The following PREX2 variants were observed in gnomAD, a reference collection of about 807,000 sequenced individuals.
PREX2 encodes the protein phosphatidylinositol 3,4,5-trisphosphate-dependent Rac exchanger 2 protein.
A neutral mutation model predicts 203.2 loss-of-function variants in PREX2; 107 were observed. The ratio of observed to expected loss-of-function variants is 0.53; its 90% confidence interval spans 0.45 to 0.62. PREX2 has a LOEUF of 0.62. PREX2 is among the 20% of genes least tolerant of loss of function. PREX2 has a pLI of 0.00. For missense variants in PREX2, 1,777 were observed against 1,955.9 expected, an observed-to-expected ratio of 0.91 and a Z score of 1.72; for synonymous variants, 672 against 663.6, an observed-to-expected ratio of 1.01 and a Z score of -0.19.
At chr8:68,066,094 T>C (rs1563526568) in intron 11 of PREX2, among the ~76,000 whole-genome samples, 2 of 152,166 alleles carry the variant, frequency 1.3e-5, no homozygotes, top group African/African-American at 2.4e-5. Context: ...ATACATTATA[T>C]CATATTTTCT....
chr8:67,971,922 T>C (rs1377328420), intron 1 of PREX2, among the ~76,000 whole-genome samples: 1 of 152,182 alleles, frequency 6.6e-6, no homozygotes, highest in East Asian at 1.9e-4. Flanking sequence ...TTTAAAGTCT[T>C]TGGAGAATTC....
At chr8:68,202,913 T>C (rs1226609296) in intron 37 of PREX2, among the ~76,000 whole-genome samples, 1 of 152,180 alleles carries the variant, frequency 6.6e-6, no homozygotes, top group African/African-American at 2.4e-5. Flanking sequence ...GTGAAACTCC[T>C]GGTCCAACTA....
intron 34 of PREX2, among the ~76,000 whole-genome samples, chr8:68,153,641 T>C (rs1274590263): frequency 6.6e-6 from 1 of 152,210 alleles, no homozygotes; most frequent in Non-Finnish European, 1.5e-5. Context: ...AATGTCATTC[T>C]GGGTTTTTTA....
At chr8:68,028,413 A>G (rs1807792792) in intron 5 of PREX2, among the ~76,000 whole-genome samples, 1 of 152,078 alleles carries the variant, frequency 6.6e-6, no homozygotes, top group Non-Finnish European at 1.5e-5. Context: ...ACTCAGAAAT[A>G]CTAGAGGCAT....
rs769525905 is a variant in PREX2, at chr8:68,118,654, T to G, written c.3421+10T>G. The G allele has an allele frequency of 6.3e-7, 1 of 1,596,442 alleles. No individual in the cohort carries two copies. Among genetic ancestry groups the G allele is most frequent in the Non-Finnish European group, 8.6e-7 (1 of 1,164,092 alleles). On this transcript the variant is annotated intron_variant, in intron 27 of 39. Transcript: ENST00000288368. ...GATGAAATGGACTCAGGTGTGTTCG[T>G]TGGTGAAGGCCTGTGGGCTTTTTGA...
rs1813203534 is a variant in PREX2, at chr8:68,233,285, T to C, written c.*1907T>C. 6.6e-6 allele frequency: 1 copy of C among 152,140 alleles called. No individual in the cohort carries two copies. 9.4% of individuals were successfully genotyped at this position (152,140 alleles called of 1,614,324 possible). On this transcript the variant is annotated 3_prime_UTR_variant, in exon 40 of 40. Transcript: ENST00000288368. ...TCCTTTCATATTGTCATGACTGTTT[T>C]CTCATCACCATCCTGGAAGCAGTAA...
intron 37 of PREX2, among the ~76,000 whole-genome samples, chr8:68,214,988 T>A (rs1298895885): frequency 6.6e-6 from 1 of 152,236 alleles, no homozygotes; most frequent in Non-Finnish European, 1.5e-5. Flanking sequence ...GTTTTGGAAA[T>A]GCTGGGGAAA....
chr8:68,127,883 A>G (rs1416952573), intron 31 of PREX2, among the ~76,000 whole-genome samples: 1 of 152,162 alleles, frequency 6.6e-6, no homozygotes, highest in Non-Finnish European at 1.5e-5. Flanking sequence ...TAAATATTTG[A>G]TGAGATTCTA....
chr8:68,062,315 C>T (rs955266176), intron 11 of PREX2, among the ~76,000 whole-genome samples: 6 of 152,252 alleles, frequency 3.9e-5, no homozygotes, highest in Admixed American at 1.3e-4. Flanking sequence ...CCTTTTAAAA[C>T]GGGGATATGA....
At chr8:68,157,477 T>A (rs1325351430) in intron 35 of PREX2, 41 bp downstream of exon 35, 1 of 1,064,252 alleles carries the variant, frequency 9.4e-7, no homozygotes, top group South Asian at 1.4e-5. Context: ...GTGTCTATAT[T>A]TTGATAGAAA....
chr8:68,007,458 G>T (rs1807127259), intron 1 of PREX2, among the ~76,000 whole-genome samples: 1 of 152,212 alleles, frequency 6.6e-6, no homozygotes, highest in Non-Finnish European at 1.5e-5. Flanking sequence ...TGTGGGTGAT[G>T]TAAAATAGAA....
Position 68,115,846 on chromosome 8 carries a change from A to T in PREX2, c.3240A>T (p.Arg1080Ser). 6.2e-7 allele frequency: 1 copy of T among 1,614,098 alleles called. No homozygotes were observed. The highest frequency in any genetic ancestry group is 8.5e-7 in the Non-Finnish European group (1 of 1,179,940). The change falls in exon 26 of 40, where the codon AGA becomes AGT. Residue 1080 changes from arginine to serine, a missense_variant. By Grantham distance (110) the Arg-to-Ser change is moderately radical. Transcript: ENST00000288368. ...PTDSDNEKGE[R>S]NSKRVCFNVA... ...ACAGTGACAATGAGAAGGGAGAAAG[A>T]AACAGCAAACGGGTATGTTTTAATG...
chr8:68,205,890 C>T (rs1812614898), intron 37 of PREX2, among the ~76,000 whole-genome samples: 1 of 152,168 alleles, frequency 6.6e-6, no homozygotes, highest in Admixed American at 6.5e-5. Context: ...ACTTACTTAG[C>T]ATGCTTCAAA....
intron 23 of PREX2, chr8:68,103,594 C>T (rs757411503): frequency 2.9e-5 from 15 of 518,972 alleles, no homozygotes; most frequent in South Asian, 2.0e-4. Context: ...TACCTGCTTT[C>T]TCACCTTCAT....
intron 11 of PREX2, among the ~76,000 whole-genome samples, chr8:68,063,453 A>G (rs1044287455): frequency 6.6e-6 from 1 of 152,116 alleles, no homozygotes; most frequent in Non-Finnish European, 1.5e-5. Context: ...GCCATGCATT[A>G]AGGATGGCTG....
chr8:68,142,384 T>C (rs1248438436), intron 33 of PREX2, among the ~76,000 whole-genome samples: 1 of 152,184 alleles, frequency 6.6e-6, no homozygotes, highest in Admixed American at 6.5e-5. Flanking sequence ...ATAGTTGGGA[T>C]CGTACAGTAG....
intron 11 of PREX2, among the ~76,000 whole-genome samples, chr8:68,061,434 C>T (rs6993258): frequency 0.58 from 88,605 of 152,050 alleles, 27,207 homozygotes; most frequent in African/African-American, 0.79. Flanking sequence ...TGCAGCAGCA[C>T]GGAGCCTGAA....
At chr8:68,075,030 T>C (rs1317504021) in intron 14 of PREX2, among the ~76,000 whole-genome samples, 1 of 152,242 alleles carries the variant, frequency 6.6e-6, no homozygotes, top group Non-Finnish European at 1.5e-5. Flanking sequence ...TGCAGTAATA[T>C]ACCTTTAAAA....
At chr8:68,159,249 T>C (rs1811606830) in intron 35 of PREX2, among the ~76,000 whole-genome samples, 1 of 152,236 alleles carries the variant, frequency 6.6e-6, no homozygotes, top group Admixed American at 6.5e-5. Context: ...ATAGTTTTTT[T>C]CTGAAACATT....
Sources: allele counts gnomAD v4.1 joint callset (sites outside exome capture counted in the v4.1 genomes callset), GRCh38; gene constraint gnomAD v4.1.1; transcripts MANE v1.5; gene names NCBI Gene and HGNC (gene_info 2026-07-23, HGNC 2026-07-21).